The following MRTFA variants were observed in gnomAD, a reference collection of about 807,000 sequenced individuals.
MRTFA encodes the protein myocardin-related transcription factor A.
A neutral mutation model predicts 83.5 loss-of-function variants in MRTFA; 20 were observed. That is an observed-to-expected ratio of 0.24 (90% CI 0.17 to 0.35). MRTFA has a LOEUF of 0.35. Among genes scored for constraint, MRTFA ranks in the 10% least tolerant of loss-of-function variants. The pLI is 1.00. For missense variants in MRTFA, 1,200 were observed against 1,224.7 expected, an observed-to-expected ratio of 0.98 and a Z score of 0.30; for synonymous variants, 659 against 541.2, an observed-to-expected ratio of 1.22 and a Z score of -3.02.
chr22:40,435,467 G>A, intron 5 of MRTFA, 32 bp downstream of exon 5: 1 of 1,608,784 alleles, frequency 6.2e-7, no homozygotes, highest in East Asian at 2.2e-5. Flanking sequence ...AATGCTCTTT[G>A]GGAGTTCTGA....
chr22:40,557,542 G>A (rs2055542051), intron 2 of MRTFA, among the ~76,000 whole-genome samples: 1 of 152,020 alleles, frequency 6.6e-6, no homozygotes, highest in Non-Finnish European at 1.5e-5. Flanking sequence ...AAGCTGAGGT[G>A]GGAGGATCGC....
chr22:40,520,667 A>G (rs1393784224), intron 3 of MRTFA, among the ~76,000 whole-genome samples: 1 of 152,204 alleles, frequency 6.6e-6, no homozygotes, highest in Non-Finnish European at 1.5e-5. Context: ...TTGGCCTCCC[A>G]AAGTACTGGG....
At chr22:40,571,799 CTG>C (rs1262321509) in intron 2 of MRTFA, among the ~76,000 whole-genome samples, 1 of 150,786 alleles carries the variant, frequency 6.6e-6, no homozygotes. Context: ...TGGCAGGTGC[CTG>C]TAGTCCCAGC....
At chr22:40,493,883 G>A (rs935125414) in intron 3 of MRTFA, among the ~76,000 whole-genome samples, 3 of 152,178 alleles carry the variant, frequency 2.0e-5, no homozygotes, top group Non-Finnish European at 4.4e-5. Flanking sequence ...ATAGTGTTTA[G>A]GTCTCAGTTC....
At chr22:40,450,977 A>G (rs917196733) in intron 4 of MRTFA, among the ~76,000 whole-genome samples, 1 of 152,206 alleles carries the variant, frequency 6.6e-6, no homozygotes, top group African/African-American at 2.4e-5. Flanking sequence ...CAGTAGCCTC[A>G]TCTGCAAAAT....
chr22:40,622,496 T>C (rs1269818574), intron 1 of MRTFA, among the ~76,000 whole-genome samples: 1 of 100,566 alleles, frequency 9.9e-6, no homozygotes, highest in Non-Finnish European at 2.3e-5. Context: ...AAAAAAAGAA[T>C]TATCCAGGTG....
At chr22:40,572,573 G>C (rs962012271) in intron 2 of MRTFA, among the ~76,000 whole-genome samples, 3 of 151,736 alleles carry the variant, frequency 2.0e-5, no homozygotes, top group Non-Finnish European at 4.4e-5. Context: ...TTTTAAAAAA[G>C]GAAATGAAGT....
chr22:40,487,205 G>A (rs1182240997), intron 3 of MRTFA, among the ~76,000 whole-genome samples: 4 of 152,100 alleles, frequency 2.6e-5, no homozygotes, highest in African/African-American at 9.7e-5. Flanking sequence ...CTTTACCACA[G>A]TATATCCCTT....
At chr22:40,433,740 A>G (rs2053114480) in intron 5 of MRTFA, 2 of 152,256 alleles carry the variant, frequency 1.3e-5, no homozygotes, top group Admixed American at 6.5e-5. Context: ...CAAAGCTTTA[A>G]GCTTTTAGAA....
intron 5 of MRTFA, among the ~76,000 whole-genome samples, chr22:40,434,975 G>A (rs564700758): frequency 2.0e-4 from 31 of 152,280 alleles, no homozygotes; most frequent in African/African-American, 7.2e-4. Context: ...CTTGGGCTTG[G>A]AGTGTGGGCC....
chr22:40,520,100 C>A (rs1015727068), intron 3 of MRTFA, among the ~76,000 whole-genome samples: 1 of 152,166 alleles, frequency 6.6e-6, no homozygotes, highest in Non-Finnish European at 1.5e-5. Flanking sequence ...TATTCAATTT[C>A]TCCTTCCACT....
intron 4 of MRTFA, among the ~76,000 whole-genome samples, chr22:40,436,623 T>C (rs112992890): frequency 1.3e-3 from 200 of 152,206 alleles, no homozygotes; most frequent in South Asian, 8.1e-3. Flanking sequence ...GAATGGAAGG[T>C]CTGACTCCTT....
intron 14 of MRTFA, chr22:40,412,133 C>T (rs1028950183): frequency 4.4e-5 from 17 of 388,350 alleles, no homozygotes; most frequent in East Asian, 2.3e-4. Context: ...ACTTCTAAAA[C>T]TCAACAACAA....
chr22:40,424,694 C>G (rs2052916713), intron 7 of MRTFA, among the ~76,000 whole-genome samples: 1 of 152,202 alleles, frequency 6.6e-6, no homozygotes, highest in Admixed American at 6.5e-5. Flanking sequence ...GTCAAGTTGT[C>G]CCTCCCTCCC....
At chr22:40,611,883 C>T (rs989062911) in intron 1 of MRTFA, among the ~76,000 whole-genome samples, 1 of 152,030 alleles carries the variant, frequency 6.6e-6, no homozygotes, top group Admixed American at 6.5e-5. Context: ...CAGACTCTAA[C>T]TGGAAAGGAA....
intron 4 of MRTFA, among the ~76,000 whole-genome samples, chr22:40,457,627 T>C (rs778971208): frequency 3.9e-5 from 6 of 151,900 alleles, no homozygotes; most frequent in Non-Finnish European, 8.8e-5. Context: ...TCATTAGAAA[T>C]GAAAAAAACA....
chr22:40,599,695 T>C (rs538047330), intron 1 of MRTFA, among the ~76,000 whole-genome samples: 2 of 152,092 alleles, frequency 1.3e-5, no homozygotes, highest in Admixed American at 1.3e-4. Flanking sequence ...ACCCAGGAGT[T>C]TGAGACCAGA....
intron 3 of MRTFA, among the ~76,000 whole-genome samples, chr22:40,543,626 ATCT>A (rs2055322666): frequency 6.6e-6 from 1 of 152,236 alleles, no homozygotes; most frequent in Non-Finnish European, 1.5e-5. Flanking sequence ...AACATTTACA[ATCT>A]CATTAAAACA....
In MRTFA at chr22:40,418,740, G is replaced by A. The variant is rs751595077; in HGVS notation, c.1998C>T (p.Pro666=). 24 of 1,472,918 alleles carry A rather than the reference G, an allele frequency of 1.6e-5. No individual in the cohort carries two copies. The East Asian group carries it at 3.0e-4, about 18-fold the overall frequency. 91.2% of individuals were successfully genotyped at this position (1,472,918 alleles called of 1,614,324 possible). A position where few individuals can be genotyped will look rare whatever the true frequency, so the allele number is the denominator to read the frequency against. The change falls in exon 12 of 15, where the codon CCC becomes CCT. Residue 666 remains proline, a synonymous_variant. Transcript: ENST00000355630. ...CGGGGGTGCCGAGGGGGGCGGGGGC[G>A]GGGGCGGGCTGCTGGGCTCGCTTCT...
Sources: gnomAD v4.1 joint callset for allele counts (sites outside exome capture counted in the v4.1 genomes callset) on GRCh38, gnomAD v4.1.1 for gene constraint, MANE v1.5 for transcripts, NCBI Gene and HGNC (gene_info 2026-07-23, HGNC 2026-07-21) for gene names.